MAPK10: variants seen among roughly 807,000 people sequenced by gnomAD.
MAPK10 encodes the protein JNK3 alpha protein kinase.
MAPK10 carries 25 observed loss-of-function variants against 59.3 expected under a neutral mutation model. The ratio of observed to expected loss-of-function variants is 0.42; its 90% confidence interval spans 0.31 to 0.59. MAPK10 has a LOEUF of 0.59. Ranked by LOEUF, MAPK10 falls within the 20% of genes least tolerant of loss-of-function variation. The pLI, the probability that MAPK10 is intolerant of heterozygous loss-of-function variation, is 0.15. For synonymous variants in MAPK10, 190 were observed against 200.5 expected, an observed-to-expected ratio of 0.95 and a Z score of 0.44; for missense variants, 351 against 568.9, an observed-to-expected ratio of 0.62 and a Z score of 3.90.
At chr4:86,198,794 T>C (rs1009953225) in intron 2 of MAPK10, among the ~76,000 whole-genome samples, 2 of 151,688 alleles carry the variant, frequency 1.3e-5, no homozygotes, top group Admixed American at 6.6e-5. Flanking sequence ...AGTCCACATG[T>C]TTGAAATAAA....
Position 86,069,449 on chromosome 4 carries a change from T to C in MAPK10, c.803-1494A>G, listed in dbSNP as rs923076507. Among the ~76,000 whole-genome samples, 5 of 152,068 alleles carry C rather than the reference T, an allele frequency of 3.3e-5. No homozygotes were observed. In the South Asian group the frequency reaches 1.0e-3, roughly 32 times the overall value. ...TTGATAGAAGCTCATCTAATTATCA[T>C]GTGCATGAGAAAATACAGCAGTAAT... On this transcript the variant is annotated intron_variant, in intron 9 of 13. Transcript: ENST00000641462.
rs141475251 is a variant in MAPK10 at position 86,106,061 on chromosome 4, A to G, written c.366+1162T>C. Among the ~76,000 whole-genome samples, 127 of 152,184 alleles carry G rather than the reference A, an allele frequency of 8.3e-4. 6 individuals are homozygous for G. The East Asian group carries it at 0.013, about 15-fold the overall frequency. The stretch of plus-strand genomic sequence containing the variant: ...TTTGTCTGTTTTCTTCACCATCTAG[A>G]TCTGTTCCTGGCACATTTTATTCAT... On this transcript the variant is annotated intron_variant, in intron 5 of 13. Coordinates refer to ENST00000641462, the MANE Select transcript of MAPK10 (RefSeq NM_138982.4).
At chr4:86,089,302 T>A in intron 9 of MAPK10, 1 of 1,498,444 alleles carries the variant, frequency 6.7e-7, no homozygotes, top group South Asian at 1.1e-5. Context: ...GAAATGAAGA[T>A]AAACAAGAAC....
Position 86,203,553 on chromosome 4 carries a change from A to T in MAPK10, c.-6-9146T>A, listed in dbSNP as rs1299936382. ...CTAATTATTTAAAAAAAAAGTTCCA[A>T]CAGTTTCTAAGTTCAATCGGTATAC... On this transcript the variant is annotated intron_variant, in intron 2 of 13. Transcript: ENST00000641462. Among the ~76,000 whole-genome samples the T allele has an allele frequency of 2.0e-5, 3 of 151,476 alleles. No homozygotes were observed. In the Admixed American group the frequency reaches 2.0e-4, roughly 10 times the overall value.
Position 86,050,083 on chromosome 4 carries a change from G to A in MAPK10, c.1110+14183C>T, listed in dbSNP as rs2043232713. ...GTTCATCTTCTCTCCTGGCCATTGAGCAGGCTGCTTCCTTTGCCTACCAGA... is the reference window on the plus strand; with the variant it reads ...GTTCATCTTCTCTCCTGGCCATTGAACAGGCTGCTTCCTTTGCCTACCAGA... On this transcript the variant is annotated intron_variant, in intron 11 of 13. Transcript: ENST00000641462. 2.0e-5 allele frequency among the ~76,000 whole-genome samples: 3 copies of A among 151,970 alleles called. No individual in the cohort carries two copies. The South Asian group carries it at 6.2e-4, about 32-fold the overall frequency.
chr4:86,120,265 T>C (rs1192507930), intron 4 of MAPK10: 5 of 152,196 alleles, frequency 3.3e-5, no homozygotes, highest in African/African-American at 1.2e-4. Flanking sequence ...CAAAACCACT[T>C]TGTGCTTGGT....
chr4:86,225,238 C>T (rs2090405688), intron 2 of MAPK10, among the ~76,000 whole-genome samples: 1 of 152,148 alleles, frequency 6.6e-6, no homozygotes, highest in Non-Finnish European at 1.5e-5. Context: ...GATGAGAGGG[C>T]CATAACTGTT....
chr4:86,513,856 A>G (rs1756460860), intron 1 of MAPK10, among the ~76,000 whole-genome samples: 1 of 152,194 alleles, frequency 6.6e-6, no homozygotes. Flanking sequence ...TAACTTAACA[A>G]TGGATTCCAG....
chr4:86,322,435 CAT>C (rs1323078717), intron 2 of MAPK10, among the ~76,000 whole-genome samples: 1 of 152,042 alleles, frequency 6.6e-6, no homozygotes, highest in Non-Finnish European at 1.5e-5. Context: ...GAACGTCTAA[CAT>C]AAATTAATTG....
intron 1 of MAPK10, among the ~76,000 whole-genome samples, chr4:86,498,611 A>T (rs1433035535): frequency 2.0e-5 from 3 of 152,166 alleles, no homozygotes; most frequent in Non-Finnish European, 4.4e-5. Flanking sequence ...AAAATACTAA[A>T]AATTTTTAGT....
chr4:86,169,542 C>T (rs1362359734), intron 3 of MAPK10, among the ~76,000 whole-genome samples: 8 of 152,122 alleles, frequency 5.3e-5, no homozygotes, highest in Non-Finnish European at 1.2e-4. Context: ...TGAACAAAGC[C>T]TCCAAGAAAT....
chr4:86,579,410 T>C (rs879646733), intron 1 of MAPK10, among the ~76,000 whole-genome samples: 4 of 152,104 alleles, frequency 2.6e-5, no homozygotes, highest in African/African-American at 4.8e-5. Context: ...CCTGCTGCCA[T>C]GCACATTTAC....
At chr4:86,041,202 G>A (rs1375870452) in intron 11 of MAPK10, among the ~76,000 whole-genome samples, 1 of 152,032 alleles carries the variant, frequency 6.6e-6, no homozygotes, top group African/African-American at 2.4e-5. Context: ...CCTGATCTTC[G>A]ACAAACCTGA....
chr4:86,383,889 T>C (rs796774783), intron 1 of MAPK10, among the ~76,000 whole-genome samples: 5 of 152,336 alleles, frequency 3.3e-5, no homozygotes, highest in African/African-American at 1.2e-4. Flanking sequence ...CTAACATGCA[T>C]ATTAATTCTG....
intron 1 of MAPK10, among the ~76,000 whole-genome samples, chr4:86,505,592 A>C (rs1755684046): frequency 6.6e-6 from 1 of 152,160 alleles, no homozygotes; most frequent in Admixed American, 6.6e-5. Flanking sequence ...GTTTTTAAAA[A>C]AAAAAGTTTC....
intron 4 of MAPK10, among the ~76,000 whole-genome samples, chr4:86,133,205 A>T (rs1479128086): frequency 3.9e-5 from 6 of 152,220 alleles, no homozygotes; most frequent in Non-Finnish European, 5.9e-5. Flanking sequence ...CTCTACAGAT[A>T]ATGATATTAC....
At chr4:86,211,897 A>C (rs2085921466) in intron 2 of MAPK10, among the ~76,000 whole-genome samples, 1 of 152,120 alleles carries the variant, frequency 6.6e-6, no homozygotes, top group Non-Finnish European at 1.5e-5. Flanking sequence ...TACAACTTCA[A>C]CATATTAAAT....
chr4:86,214,545 C>T (rs2086868003), intron 2 of MAPK10, among the ~76,000 whole-genome samples: 1 of 115,628 alleles, frequency 8.6e-6, no homozygotes, highest in African/African-American at 3.2e-5. Context: ...ACTGTTAGAA[C>T]TGATAAACAG....
chr4:86,586,357 G>A (rs781693750), intron 1 of MAPK10, among the ~76,000 whole-genome samples: 3 of 152,026 alleles, frequency 2.0e-5, no homozygotes, highest in African/African-American at 7.2e-5. Flanking sequence ...CATCAGCCCC[G>A]AGGGCCACCC....
Sources: allele counts gnomAD v4.1 joint callset (sites outside exome capture counted in the v4.1 genomes callset), GRCh38; gene constraint gnomAD v4.1.1; transcripts MANE v1.5; gene names NCBI Gene and HGNC (gene_info 2026-07-23, HGNC 2026-07-21).